The following VPS35L variants were observed in gnomAD, a reference collection of about 807,000 sequenced individuals.
The protein encoded by VPS35L is VPS35 endosomal protein-sorting factor-like.
Under a neutral mutation model 133.0 loss-of-function variants are expected in VPS35L, and 83 were observed. The ratio of observed to expected loss-of-function variants is 0.62; its 90% CI spans 0.52 to 0.75. The LOEUF is 0.75. Among genes scored for constraint, VPS35L ranks in the 30% least tolerant of loss-of-function variants. The pLI, the probability that VPS35L is intolerant of heterozygous loss-of-function variation, is 0.00. For synonymous variants in VPS35L, 423 were observed against 449.9 expected, an observed-to-expected ratio of 0.94 and a Z score of 0.76; for missense variants, 1,083 against 1,206.8, an observed-to-expected ratio of 0.90 and a Z score of 1.52.
At chr16:19,583,341 T>G (rs973190604) in intron 7 of VPS35L, among the ~76,000 whole-genome samples, 4 of 152,184 alleles carry the variant, frequency 2.6e-5, no homozygotes, top group African/African-American at 9.6e-5. Flanking sequence ...ATGGGATTAT[T>G]CAATAGATAA....
At chr16:19,629,388 G>A (rs868834573) in intron 17 of VPS35L, among the ~76,000 whole-genome samples, 6 of 152,096 alleles carry the variant, frequency 3.9e-5, no homozygotes, top group Middle Eastern at 6.8e-3. Flanking sequence ...CTTTAAAGAT[G>A]TAATTTCTTT....
At chr16:19,561,997 T>G (rs140327968) in intron 1 of VPS35L, among the ~76,000 whole-genome samples, 7 of 151,930 alleles carry the variant, frequency 4.6e-5, no homozygotes, top group African/African-American at 1.7e-4. Flanking sequence ...CCCAGCTACT[T>G]AAGAGGCTGA....
chr16:19,678,337 G>A (rs558209038), intron 27 of VPS35L, among the ~76,000 whole-genome samples: 3 of 152,054 alleles, frequency 2.0e-5, no homozygotes, highest in Admixed American at 6.5e-5. Context: ...TGTTCTACTT[G>A]GGAGGTAGCC....
At chr16:19,648,204 TTCC>T (rs1974013400) in intron 24 of VPS35L, among the ~76,000 whole-genome samples, 1 of 152,118 alleles carries the variant, frequency 6.6e-6, no homozygotes, top group South Asian at 2.1e-4. Context: ...ACATCCAGCA[TTCC>T]TCCTGCCTTG....
At chr16:19,579,214 T>C in intron 6 of VPS35L, 86 bp downstream of exon 6, 3 of 1,233,590 alleles carry the variant, frequency 2.4e-6, no homozygotes, top group South Asian at 1.4e-5. Context: ...GGCTGCTCTT[T>C]GATTAATTCC....
In VPS35L at chr16:19,660,957, A is replaced by T. The variant is rs60109277; in HGVS notation, c.2222-8203A>T. ...AAATCTGCTGTTGTTAACAGTATGGACATCTTGATTTTTTTCTTTTATATA... is the reference window on the plus strand; with the variant it reads ...AAATCTGCTGTTGTTAACAGTATGGTCATCTTGATTTTTTTCTTTTATATA... On this transcript the variant is annotated intron_variant, in intron 26 of 30. Coordinates refer to ENST00000417362, the MANE Select transcript of VPS35L (RefSeq NM_020314.7). 9.9e-3 allele frequency among the ~76,000 whole-genome samples: 1,504 copies of T among 152,086 alleles called. 29 individuals carry two copies. The highest frequency in any genetic ancestry group is 0.028 in the African/African-American group (1,144 of 41,488).
At chr16:19,698,430 G>A (rs116566866) in intron 29 of VPS35L, among the ~76,000 whole-genome samples, 30 of 152,124 alleles carry the variant, frequency 2.0e-4, no homozygotes, top group East Asian at 9.7e-4. Flanking sequence ...CCAGTGATTC[G>A]AGGGCCCACT....
intron 16 of VPS35L, 62 bp from the exon 17 acceptor site, chr16:19,628,575 T>A: frequency 1.1e-6 from 1 of 904,490 alleles, no homozygotes; most frequent in Admixed American, 2.2e-5. Flanking sequence ...TTTCTTTTCT[T>A]TGAGCTTCAA....
rs567669364 is a variant in VPS35L at position 19,589,313 on chromosome 16, G to A, written c.640-2477G>A. Among the ~76,000 whole-genome samples the A allele has an allele frequency of 1.2e-4, 18 of 152,120 alleles. No individual in the cohort carries two copies. In the East Asian group the frequency reaches 2.1e-3, roughly 18 times the overall value. ...GACTGGAGTGCAGTGGGGCGGTCTC[G>A]GCTCACTGCAACTTCTGCTTCCCTC... On this transcript the variant is annotated intron_variant, in intron 7 of 30. Transcript: ENST00000417362.
chr16:19,578,353 GAC>G, intron 5 of VPS35L: 1 of 430,190 alleles, frequency 2.3e-6, no homozygotes, highest in Non-Finnish European at 4.5e-6. Flanking sequence ...CAGCGTGGAC[GAC>G]AGAGTAAGAC....
chr16:19,616,403 A>G (rs968231559), intron 13 of VPS35L, among the ~76,000 whole-genome samples: 1 of 152,112 alleles, frequency 6.6e-6, no homozygotes, highest in Non-Finnish European at 1.5e-5. Context: ...TTAACAGGAA[A>G]CGTCTCCAGT....
At chr16:19,572,770 C>T (rs1971422535) in intron 3 of VPS35L, among the ~76,000 whole-genome samples, 1 of 152,112 alleles carries the variant, frequency 6.6e-6, no homozygotes, top group South Asian at 2.1e-4. Context: ...GCAACCTCTG[C>T]CTTCCAGGTT....
chr16:19,686,039 T>C (rs747928261), intron 28 of VPS35L, among the ~76,000 whole-genome samples: 27 of 152,204 alleles, frequency 1.8e-4, no homozygotes, highest in Non-Finnish European at 3.7e-4. Context: ...GGCAAGAGTG[T>C]AGTTTTCTAG....
chr16:19,575,992 C>CT, intron 5 of VPS35L, among the ~76,000 whole-genome samples: 2 of 129,408 alleles, frequency 1.5e-5, no homozygotes, highest in Admixed American at 1.7e-4. Flanking sequence ...TCCATCTCTA[C>CT]TAAAAAAAAA....
At chr16:19,613,967 T>A (rs956552120) in intron 12 of VPS35L, among the ~76,000 whole-genome samples, 1 of 152,186 alleles carries the variant, frequency 6.6e-6, no homozygotes, top group Non-Finnish European at 1.5e-5. Context: ...CAAGCAGATA[T>A]CCAAGCTGCT....
chr16:19,657,837 C>G (rs1974355902), intron 26 of VPS35L, among the ~76,000 whole-genome samples: 1 of 152,136 alleles, frequency 6.6e-6, no homozygotes. Context: ...TGTTTAAGTT[C>G]CTATTTAGTT....
rs1029189426 is a variant in VPS35L at position 19,630,365 on chromosome 16, G to A, written c.1554+545G>A. Among the ~76,000 whole-genome samples, 57 of 128,074 alleles carry A rather than the reference G, an allele frequency of 4.5e-4. 1 individual carries two copies. The Admixed American group carries it at 4.7e-3, about 11-fold the overall frequency. 84.0% of individuals were successfully genotyped at this position (128,074 alleles called of 152,430 possible). On this transcript the variant is annotated intron_variant, in intron 18 of 30. Coordinates refer to ENST00000417362, the MANE Select transcript of VPS35L (RefSeq NM_020314.7). ...TTTTTTTTTTTTGAGATGGAGTCTC[G>A]CTCTGTCGCCCAGGCTGGAGTGTGG...
At chr16:19,640,197 G>A (rs913337878) in intron 21 of VPS35L, 97 bp downstream of exon 21, 1 of 1,094,846 alleles carries the variant, frequency 9.1e-7, no homozygotes, top group East Asian at 2.4e-5. Context: ...GCCGAGTGAT[G>A]TGTACGTATT....
chr16:19,692,572 A>AT (rs937553639), intron 29 of VPS35L, among the ~76,000 whole-genome samples: 10 of 146,914 alleles, frequency 6.8e-5, no homozygotes, highest in East Asian at 3.9e-4. Context: ...TTTTTATTTT[A>AT]TTTTTTTTGA....
Sources: gnomAD v4.1 joint callset for allele counts (sites outside exome capture counted in the v4.1 genomes callset) on GRCh38, gnomAD v4.1.1 for gene constraint, MANE v1.5 for transcripts, NCBI Gene and HGNC (gene_info 2026-07-23, HGNC 2026-07-21) for gene names.